The following ALG8 variants were observed in gnomAD, a reference collection of about 807,000 sequenced individuals.
ALG8 encodes dolichyl pyrophosphate Glc1Man9GlcNAc2 alpha-1,3-glucosyltransferase.
A neutral mutation model predicts 70.2 loss-of-function variants in ALG8; 48 were observed. That is an observed-to-expected ratio of 0.68 (90% CI 0.54 to 0.87). The LOEUF is 0.87. Ranked by LOEUF, ALG8 falls within the 40% of genes least tolerant of loss-of-function variation. The pLI is 0.00. For missense variants in ALG8, 572 were observed against 608.7 expected (o/e 0.94, Z 0.64); for synonymous variants, 234 against 229.0 (o/e 1.02, Z -0.20).
intron 1 of ALG8, among the ~76,000 whole-genome samples, chr11:78,132,156 T>C (rs1254226832): frequency 6.6e-6 from 1 of 152,222 alleles, no homozygotes; most frequent in African/African-American, 2.4e-5. Context: ...TGCCCTGTCA[T>C]GTAGCCAGTA....
chr11:78,130,427 C>T (rs966437481), intron 1 of ALG8, among the ~76,000 whole-genome samples: 3 of 149,580 alleles, frequency 2.0e-5, no homozygotes, highest in Non-Finnish European at 3.0e-5. Context: ...GAAAGATGCC[C>T]GAGGGATAAT....
At chr11:78,138,154 C>T (rs1192555709) in intron 1 of ALG8, among the ~76,000 whole-genome samples, 1 of 151,796 alleles carries the variant, frequency 6.6e-6, no homozygotes, top group Non-Finnish European at 1.5e-5. Flanking sequence ...TGAGATCAGC[C>T]CTCCGCCATC....
At chr11:78,128,705 G>A (rs1300141763) in intron 1 of ALG8, among the ~76,000 whole-genome samples, 3 of 150,982 alleles carry the variant, frequency 2.0e-5, no homozygotes, top group African/African-American at 2.4e-5. Flanking sequence ...CCGTCTCCCA[G>A]GTTCAAACGA....
intron 1 of ALG8, chr11:78,138,711 GTA>G: frequency 2.2e-6 from 1 of 456,374 alleles, no homozygotes; most frequent in Non-Finnish European, 4.4e-6. Flanking sequence ...AGTACCTACT[GTA>G]TACACACCAC....
intron 5 of ALG8, among the ~76,000 whole-genome samples, chr11:78,117,783 A>G (rs1184122918): frequency 2.1e-5 from 3 of 140,732 alleles, no homozygotes; most frequent in Non-Finnish European, 4.5e-5. Context: ...AACTCTTAAG[A>G]AAAAAAAAAG....
At position 78,134,408 on chromosome 11, in the gene ALG8, G is replaced by C. The variant is rs1861453951; in HGVS notation, c.95+5086C>G. On this transcript the variant is annotated intron_variant, in intron 1 of 12. Transcript: ENST00000299626. Reference sequence around the variant, plus strand: ...CCGCCTCAGCCTCCCAAAACGCTGGGATTACAGGCATGAGCCACTGCGCCT... The same window carrying C: ...CCGCCTCAGCCTCCCAAAACGCTGGCATTACAGGCATGAGCCACTGCGCCT... Among the ~76,000 whole-genome samples the C allele has an allele frequency of 3.9e-5, 6 of 152,294 alleles. No homozygotes were observed. The South Asian group carries it at 1.2e-3, about 32-fold the overall frequency.
intron 1 of ALG8, chr11:78,133,335 T>C (rs1209533957): frequency 2.0e-5 from 3 of 152,200 alleles, no homozygotes; most frequent in Non-Finnish European, 4.4e-5. Context: ...TATATCTGCA[T>C]TTATCCTGTA....
At chr11:78,130,361 A>AAAAAAAAAGAAAAAAAAAAAAAG (rs928560857) in intron 1 of ALG8, among the ~76,000 whole-genome samples, 1 of 132,636 alleles carries the variant, frequency 7.5e-6, no homozygotes, top group African/African-American at 3.2e-5. Flanking sequence ...AAAAAAAAAA[A>AAAAAAAAAGAAAAAAAAAAAAAG]AAAAAAGGTG....
At chr11:78,120,276 A>G (rs1172861958) in intron 4 of ALG8, among the ~76,000 whole-genome samples, 2 of 152,146 alleles carry the variant, frequency 1.3e-5, no homozygotes, top group Admixed American at 6.5e-5. Flanking sequence ...CTCAGGGGCA[A>G]GAAGTTTTTT....
intron 2 of ALG8, among the ~76,000 whole-genome samples, chr11:78,125,067 C>T (rs968728522): frequency 6.6e-6 from 1 of 150,472 alleles, no homozygotes; most frequent in African/African-American, 2.5e-5. Context: ...GAGTCTTGCT[C>T]TGTCACCCAG....
At chr11:78,123,777 T>A (rs1860935996) in intron 3 of ALG8, among the ~76,000 whole-genome samples, 1 of 152,206 alleles carries the variant, frequency 6.6e-6, no homozygotes, top group Admixed American at 6.6e-5. Flanking sequence ...CTACTTCTTT[T>A]CACAACATTC....
rs946504593 is a variant in ALG8, at chr11:78,139,537, C to T, written c.52G>A (p.Ala18Thr). Residue 18 changes from alanine (A) to threonine (T), a missense_variant, in exon 1 of 13, where the codon GCG (alanine) becomes ACG (threonine). Physicochemically the swap from Ala to Thr is moderately conservative, Grantham distance 58 (BLOSUM62 0). Coordinates refer to ENST00000299626, the MANE Select transcript of ALG8 (RefSeq NM_024079.5). The part of the protein sequence containing the change: ...TGTGNWFSAL[A>T]LGVTLLKCLL... Reference sequence around the variant, plus strand: ...CATTTGAGAAGAGTCACCCCGAGCGCCAAAGCCGAAAACCAATTGCCAGTA... The same window carrying T: ...CATTTGAGAAGAGTCACCCCGAGCGTCAAAGCCGAAAACCAATTGCCAGTA... 2 of 1,564,402 alleles carry T rather than the reference C, an allele frequency of 1.3e-6. No individual in the cohort carries two copies. Among genetic ancestry groups the T allele is most frequent in the African/African-American group, 2.7e-5 (2 of 73,790 alleles).
At position 78,101,188 on chromosome 11, in the gene ALG8, T is replaced by C. The variant is rs1289985948; in HGVS notation, c.1357A>G (p.Lys453Glu). 6.2e-7 allele frequency: 1 copy of C among 1,613,760 alleles called. No individual in the cohort carries two copies. Among genetic ancestry groups the C allele is most frequent in the Non-Finnish European group, 8.5e-7 (1 of 1,179,736 alleles). The part of the protein sequence containing the change: ...SSLKTLFRKE[K>E]PLFNWMETFY... ...GTTTCCATCCAATTAAAAAGAGGTT[T>C]TTCTTTTCTGAAGGAAAAAAGAGAG... Residue 453 changes from lysine to glutamate, a missense_variant, in exon 13 of 13, where the codon AAA becomes GAA. Transcript: ENST00000299626.
intron 3 of ALG8, 181 bp from the exon 4 acceptor site, chr11:78,121,355 G>A (rs1860816977): frequency 4.9e-6 from 3 of 610,018 alleles, no homozygotes; most frequent in Admixed American, 2.8e-5. Flanking sequence ...CTGTTGCCCA[G>A]GCTGATCTCG....
Position 78,130,367 on chromosome 11 carries a change from A to AAAAAAAAAAG in ALG8, c.96-2932_96-2931insCTTTTTTTTT, listed in dbSNP as rs11275338. ...CGGTCTCAAAAAAAAAAAAAAAAAA[A>AAAAAAAAAAG]GGTGAGAATATCAATACCTTTAGTG... On this transcript the variant is annotated intron_variant, in intron 1 of 12. Coordinates refer to ENST00000299626, the MANE Select transcript of ALG8 (RefSeq NM_024079.5). Among the ~76,000 whole-genome samples, 19 of 150,588 alleles carry AAAAAAAAAAG rather than the reference A, an allele frequency of 1.3e-4. 1 individual carries two copies. In the South Asian group the frequency reaches 3.4e-3, roughly 27 times the overall value.
chr11:78,121,760 G>A (rs2136921155), intron 3 of ALG8, among the ~76,000 whole-genome samples: 1 of 152,126 alleles, frequency 6.6e-6, no homozygotes, highest in Admixed American at 6.6e-5. Context: ...CTGCAGACCA[G>A]GCTAATTTAA....
intron 9 of ALG8, 48 bp downstream of exon 9, chr11:78,109,394 A>C: frequency 6.2e-7 from 1 of 1,612,722 alleles, no homozygotes; most frequent in Non-Finnish European, 8.5e-7. Flanking sequence ...CAGACAAAAG[A>C]AAAGCAGAGA....
At chr11:78,108,405 G>T (rs1384689595) in intron 9 of ALG8, among the ~76,000 whole-genome samples, 1 of 152,158 alleles carries the variant, frequency 6.6e-6, no homozygotes, top group Non-Finnish European at 1.5e-5. Context: ...ACTCCAGCCT[G>T]GATGACGGAG....
chr11:78,122,403 C>T (rs936503132), intron 3 of ALG8, among the ~76,000 whole-genome samples: 1 of 147,410 alleles, frequency 6.8e-6, no homozygotes, highest in African/African-American at 2.5e-5. Flanking sequence ...AGTGCAGTGG[C>T]GTAATCACAG....
Sources: gnomAD v4.1 joint callset for allele counts (sites outside exome capture counted in the v4.1 genomes callset) on GRCh38, gnomAD v4.1.1 for gene constraint, MANE v1.5 for transcripts, NCBI Gene and HGNC (gene_info 2026-07-23, HGNC 2026-07-21) for gene names.